The following IGF2BP3 variants were observed in gnomAD, a reference collection of about 807,000 sequenced individuals.
The protein encoded by IGF2BP3 is insulin like growth factor 2 mRNA binding protein 3, also known as insulin-like growth factor 2 mRNA-binding protein 3.
Under a neutral mutation model 73.8 loss-of-function variants are expected in IGF2BP3, and 9 were observed. The ratio of observed to expected loss-of-function variants is 0.12; its 90% CI spans 0.07 to 0.21. The LOEUF (loss-of-function observed/expected upper bound fraction) is 0.21. Among genes scored for constraint, IGF2BP3 ranks in the 10% least tolerant of loss-of-function variants. The pLI, the probability that IGF2BP3 is intolerant of heterozygous loss-of-function variation, is 1.00. For synonymous variants in IGF2BP3, 258 were observed against 256.7 expected, an observed-to-expected ratio of 1.01 and a Z score of -0.05; for missense variants, 542 against 714.0, an observed-to-expected ratio of 0.76 and a Z score of 2.75.
intron 10 of IGF2BP3, among the ~76,000 whole-genome samples, chr7:23,335,599 T>C (rs1484968797): frequency 6.6e-6 from 1 of 152,078 alleles, no homozygotes; most frequent in Non-Finnish European, 1.5e-5. Flanking sequence ...AAGAGTACCT[T>C]AAGCCTAAAA....
chr7:23,320,899 G>C (rs1227538606), intron 10 of IGF2BP3, among the ~76,000 whole-genome samples: 1 of 138,392 alleles, frequency 7.2e-6, no homozygotes, highest in African/African-American at 2.9e-5. Context: ...GCAGTGAGCT[G>C]AGATCACACC....
intron 3 of IGF2BP3, among the ~76,000 whole-genome samples, chr7:23,368,908 G>GA (rs977737111): frequency 2.3e-4 from 34 of 146,298 alleles, no homozygotes; most frequent in South Asian, 1.1e-3. Flanking sequence ...AAAAAAAAAA[G>GA]AAAAAAAAAC....
intron 3 of IGF2BP3, among the ~76,000 whole-genome samples, chr7:23,385,668 C>T (rs1293846674): frequency 3.3e-5 from 5 of 152,026 alleles, no homozygotes; most frequent in African/African-American, 9.7e-5. Context: ...GGACTTAAAT[C>T]GACTAACTGC....
intron 3 of IGF2BP3, among the ~76,000 whole-genome samples, chr7:23,372,702 G>C (rs1158051917): frequency 6.6e-6 from 1 of 152,158 alleles, no homozygotes; most frequent in Non-Finnish European, 1.5e-5. Flanking sequence ...TGCCCTGAAG[G>C]CCGTGTTCCA....
In IGF2BP3 at chr7:23,441,574, T is replaced by TAAAAAAAAA. The variant is rs769391858; in HGVS notation, c.237-22759_237-22751dup. Among the ~76,000 whole-genome samples the TAAAAAAAAA allele has an allele frequency of 5.8e-4, 33 of 56,954 alleles. 1 individual carries two copies. The highest frequency in any genetic ancestry group is 7.4e-4 in the Non-Finnish European group (23 of 31,004). 37.4% of individuals were successfully genotyped at this position (56,954 alleles called of 152,430 possible). ...GGGACAAGAGTGAGACTCCATCTCT[T>TAAAAAAAAA]AAAAAAAAAAAAAAAAAAAAAAAAA... On this transcript the variant is annotated intron_variant, in intron 2 of 14. Coordinates refer to ENST00000258729, the MANE Select transcript of IGF2BP3 (RefSeq NM_006547.3).
intron 11 of IGF2BP3, among the ~76,000 whole-genome samples, chr7:23,318,815 C>T (rs189330701): frequency 4.5e-4 from 69 of 152,270 alleles, no homozygotes; most frequent in Admixed American, 2.7e-3. Context: ...AGACCTGATT[C>T]CTGGAGCACT....
chr7:23,317,745 T>C, intron 11 of IGF2BP3, 32 bp from the exon 12 acceptor site: 3 of 1,555,930 alleles, frequency 1.9e-6, no homozygotes, highest in Non-Finnish European at 2.7e-6. Flanking sequence ...GTTATGATAC[T>C]TTCAGGTATC....
At position 23,370,551 on chromosome 7, in the gene IGF2BP3, G is replaced by C. The variant is rs183544802; in HGVS notation, c.286-8810C>G. On this transcript the variant is annotated intron_variant, in intron 3 of 14. Coordinates refer to ENST00000258729, the MANE Select transcript of IGF2BP3 (RefSeq NM_006547.3). ...GCACTATCCCATAAACCTCATAAGG[G>C]AAGGGGCCATGTCTTACCTTTGAAC... Among the ~76,000 whole-genome samples, 454 of 152,274 alleles carry C rather than the reference G, an allele frequency of 3.0e-3. 6 individuals carry two copies. The South Asian group carries it at 0.035, about 12-fold the overall frequency.
intron 13 of IGF2BP3, among the ~76,000 whole-genome samples, chr7:23,313,299 T>A (rs1033256588): frequency 6.6e-6 from 1 of 152,220 alleles, no homozygotes; most frequent in Non-Finnish European, 1.5e-5. Flanking sequence ...TTTATAAATA[T>A]AGGACAATCC....
intron 11 of IGF2BP3, among the ~76,000 whole-genome samples, chr7:23,318,062 T>C (rs1784039799): frequency 6.6e-6 from 1 of 152,140 alleles, no homozygotes; most frequent in Admixed American, 6.5e-5. Context: ...CTAACAGAGC[T>C]AGAGGGAGAG....
intron 3 of IGF2BP3, among the ~76,000 whole-genome samples, chr7:23,391,258 C>T (rs757515558): frequency 7.9e-5 from 12 of 151,958 alleles, no homozygotes; most frequent in Non-Finnish European, 1.3e-4. Flanking sequence ...TGCCACTACA[C>T]CCAGCTAATT....
Position 23,468,546 on chromosome 7 carries a change from C to T in IGF2BP3, c.176-4G>A. 6.2e-7 allele frequency: 1 copy of T among 1,614,138 alleles called. No homozygotes were observed. The highest frequency in any genetic ancestry group is 8.5e-7 in the Non-Finnish European group (1 of 1,179,954). On this transcript the variant is annotated splice_polypyrimidine_tract_variant and splice_region_variant and intron_variant, in intron 1 of 14. Transcript: ENST00000258729. ...TTCCCGTGCAGTTCTATTTTACCTGCGGACACACAAGAAGTGAGACGGTCG... is the reference window on the plus strand; with the variant it reads ...TTCCCGTGCAGTTCTATTTTACCTGTGGACACACAAGAAGTGAGACGGTCG...
At chr7:23,396,987 T>A (rs1226424397) in intron 3 of IGF2BP3, among the ~76,000 whole-genome samples, 1 of 152,222 alleles carries the variant, frequency 6.6e-6, no homozygotes, top group Admixed American at 6.5e-5. Context: ...TTGTCACTTT[T>A]ATCCAAAGTC....
intron 2 of IGF2BP3, among the ~76,000 whole-genome samples, chr7:23,435,854 T>C (rs924291907): frequency 3.1e-4 from 47 of 152,124 alleles, no homozygotes; most frequent in African/African-American, 1.1e-3. Context: ...ACTTCCCAGG[T>C]TCAAGTGATT....
At chr7:23,377,692 G>A (rs1336962776) in intron 3 of IGF2BP3, among the ~76,000 whole-genome samples, 1 of 152,148 alleles carries the variant, frequency 6.6e-6, no homozygotes. Context: ...ATCATTCAAT[G>A]GAAACAACCT....
chr7:23,423,790 C>T (rs967106502), intron 2 of IGF2BP3, among the ~76,000 whole-genome samples: 6 of 151,864 alleles, frequency 4.0e-5, no homozygotes, highest in Non-Finnish European at 5.9e-5. Context: ...AAACAAAAAC[C>T]CCAAAATATT....
chr7:23,392,402 G>GA (rs11411929), intron 3 of IGF2BP3, among the ~76,000 whole-genome samples: 82,383 of 133,680 alleles, frequency 0.62, 24,504 homozygotes, highest in East Asian at 0.88. Flanking sequence ...CCATTTGGAA[G>GA]AAAAAAAAAA....
At chr7:23,346,754 A>C (rs1215198433) in intron 7 of IGF2BP3, among the ~76,000 whole-genome samples, 1 of 151,646 alleles carries the variant, frequency 6.6e-6, no homozygotes, top group Non-Finnish European at 1.5e-5. Context: ...CACCACGCTC[A>C]TCTAATTCTT....
At chr7:23,447,012 G>A (rs1287012922) in intron 2 of IGF2BP3, among the ~76,000 whole-genome samples, 2 of 152,040 alleles carry the variant, frequency 1.3e-5, no homozygotes, top group Non-Finnish European at 2.9e-5. Context: ...AGCCCAGCCT[G>A]CCCAACATGG....
Sources: gnomAD v4.1 joint callset for allele counts (sites outside exome capture counted in the v4.1 genomes callset) on GRCh38, gnomAD v4.1.1 for gene constraint, MANE v1.5 for transcripts, NCBI Gene and HGNC (gene_info 2026-07-23, HGNC 2026-07-21) for gene names.